Variants in KLF8 observed in about 807,000 individuals in gnomAD.
The protein encoded by KLF8 is KLF transcription factor 8.
KLF8 carries 10 observed loss-of-function variants against 18.2 expected under a neutral mutation model. That is an observed-to-expected ratio of 0.55 (90% CI 0.34 to 0.93). The LOEUF (loss-of-function observed/expected upper bound fraction) is 0.93. KLF8 is among the 40% of genes least tolerant of loss of function. KLF8 has a pLI of 0.02. For synonymous variants in KLF8, 109 were observed against 97.3 expected, an observed-to-expected ratio of 1.12 and a Z score of -0.71; for missense variants, 264 against 277.9, an observed-to-expected ratio of 0.95 and a Z score of 0.36.
the KLF8 span, among the ~76,000 whole-genome samples, chrX:56,033,707 G>A: frequency 1.1e-4 from 12 of 111,434 alleles, no homozygotes; most frequent in East Asian, 3.1e-3. Flanking sequence ...CACCATCACA[G>A]GCATGAGGTT....
At chrX:56,053,462 C>T in the KLF8 span, among the ~76,000 whole-genome samples, 1 of 108,805 alleles carries the variant, frequency 9.2e-6, no homozygotes, top group Non-Finnish European at 1.9e-5. Flanking sequence ...AGGATATTGG[C>T]CTGGGGTGGG....
the KLF8 span, among the ~76,000 whole-genome samples, chrX:56,206,684 C>T: frequency 4.5e-5 from 5 of 112,001 alleles, no homozygotes; most frequent in African/African-American, 1.3e-4. Flanking sequence ...TGGTGTTGTG[C>T]CTGTAGCTTT....
At chrX:55,942,589 C>T in the KLF8 span, among the ~76,000 whole-genome samples, 1 of 111,765 alleles carries the variant, frequency 8.9e-6, no homozygotes, top group Non-Finnish European at 1.9e-5. Context: ...CTTATGGTCA[C>T]TATTACAATG....
the KLF8 span, among the ~76,000 whole-genome samples, chrX:56,189,021 G>A: frequency 0.034 from 3,750 of 111,327 alleles, 169 homozygotes; most frequent in African/African-American, 0.12. Context: ...TTGACAAATG[G>A]GATCTAATTA....
the KLF8 span, among the ~76,000 whole-genome samples, chrX:56,181,901 C>T: frequency 6.4e-5 from 7 of 109,602 alleles, no homozygotes; most frequent in Admixed American, 3.9e-4. Context: ...ACATTTTTTC[C>T]TTCATTTTAA....
chrX:56,092,540 G>A, the KLF8 span, among the ~76,000 whole-genome samples: 1 of 111,323 alleles, frequency 9.0e-6, no homozygotes, highest in Non-Finnish European at 1.9e-5. Context: ...ACTTATTTAA[G>A]AGGGTGTCCT....
the KLF8 span, among the ~76,000 whole-genome samples, chrX:56,149,478 G>A: frequency 9.0e-6 from 1 of 110,504 alleles, no homozygotes; most frequent in Non-Finnish European, 1.9e-5. Context: ...TACCTATTGG[G>A]CACTATGCTC....
chrX:56,094,923 A>G, the KLF8 span, among the ~76,000 whole-genome samples: 1 of 111,494 alleles, frequency 9.0e-6, no homozygotes, highest in African/African-American at 3.3e-5. Flanking sequence ...TAAAATGATC[A>G]TGCTGCCCAA....
the KLF8 span, among the ~76,000 whole-genome samples, chrX:56,195,758 G>A: frequency 9.0e-6 from 1 of 111,382 alleles, no homozygotes; most frequent in Non-Finnish European, 1.9e-5. Flanking sequence ...CTTGAGAAGA[G>A]CAATCCCAAG....
At chrX:56,236,360 G>A (rs2066474146) in intron 1 of KLF8, among the ~76,000 whole-genome samples, 1 of 111,917 alleles carries the variant, frequency 8.9e-6, no homozygotes, top group Admixed American at 9.5e-5. Flanking sequence ...GTTGCTGTGA[G>A]GAATAAGTGT....
chrX:56,268,977 GC>G, intron 3 of KLF8: 1 of 921,015 alleles, frequency 1.1e-6, no homozygotes. Flanking sequence ...TTTTAGGACA[GC>G]CAGGAGCTAT....
At chrX:56,168,177 TCTC>T in the KLF8 span, among the ~76,000 whole-genome samples, 1 of 112,320 alleles carries the variant, frequency 8.9e-6, no homozygotes, top group South Asian at 3.7e-4. Flanking sequence ...TTCTAAGTAG[TCTC>T]CTCAAAAACC....
At chrX:55,990,212 G>T in the KLF8 span, among the ~76,000 whole-genome samples, 2 of 111,610 alleles carry the variant, frequency 1.8e-5, no homozygotes, top group Admixed American at 9.5e-5. Context: ...CTTCAGTTCT[G>T]CTCTGATTGT....
chrX:55,957,168 T>C, the KLF8 span, among the ~76,000 whole-genome samples: 3 of 111,654 alleles, frequency 2.7e-5, no homozygotes, highest in Non-Finnish European at 5.7e-5. Context: ...CATTGAGTGG[T>C]CTTGGCACCC....
At chrX:55,911,251 G>A in the KLF8 span, among the ~76,000 whole-genome samples, 1 of 111,559 alleles carries the variant, frequency 9.0e-6, no homozygotes, top group African/African-American at 3.3e-5. Context: ...GAAGAGCAGG[G>A]TGTGGTCTTG....
At chrX:56,106,121 C>T in the KLF8 span, among the ~76,000 whole-genome samples, 1 of 111,105 alleles carries the variant, frequency 9.0e-6, no homozygotes, top group African/African-American at 3.3e-5. Flanking sequence ...TTTGCATAAC[C>T]TGACATTTCT....
chrX:56,169,631 G>A, the KLF8 span, among the ~76,000 whole-genome samples: 1 of 111,630 alleles, frequency 9.0e-6, no homozygotes, highest in African/African-American at 3.3e-5. Flanking sequence ...AGAGTGGGAA[G>A]CACTGTGTCT....
the KLF8 span, among the ~76,000 whole-genome samples, chrX:56,103,036 T>G: frequency 9.1e-6 from 1 of 109,445 alleles, no homozygotes. Context: ...GGTTGCATTA[T>G]TTCTGAGGGC....
chrX:55,909,171 A>G, the KLF8 span, among the ~76,000 whole-genome samples: 1 of 112,050 alleles, frequency 8.9e-6, no homozygotes, highest in Non-Finnish European at 1.9e-5. Flanking sequence ...TCTTAAAGGG[A>G]CAGTGCACTA....
Sources: gnomAD v4.1 joint callset for allele counts (sites outside exome capture counted in the v4.1 genomes callset) on GRCh38, gnomAD v4.1.1 for gene constraint, MANE v1.5 for transcripts, NCBI Gene and HGNC (gene_info 2026-07-23, HGNC 2026-07-21) for gene names.